Variants in TTC33 observed in about 807,000 individuals in gnomAD.
TTC33 encodes tetratricopeptide repeat domain 33.
Under a neutral mutation model 29.4 loss-of-function variants are expected in TTC33, and 24 were observed. That is an observed-to-expected ratio of 0.82 (90% CI 0.59 to 1.15). TTC33 has a LOEUF of 1.15. Ranked by LOEUF, TTC33 falls within the 50% of genes most tolerant of loss-of-function variation. The probability of loss-of-function intolerance (pLI) is 0.00; values close to 1 mark genes in which losing one functional copy is unlikely to be tolerated. For synonymous variants in TTC33, 107 were observed against 100.3 expected, an observed-to-expected ratio of 1.07 and a Z score of -0.40; for missense variants, 286 against 310.4, an observed-to-expected ratio of 0.92 and a Z score of 0.59.
At chr5:40,723,900 C>G (rs1424090894) in intron 4 of TTC33, among the ~76,000 whole-genome samples, 1 of 152,026 alleles carries the variant, frequency 6.6e-6, no homozygotes, top group African/African-American at 2.4e-5. Context: ...CAAGATGTGT[C>G]AGTGAGGTTA....
intron 1 of TTC33, among the ~76,000 whole-genome samples, chr5:40,752,496 T>C (rs1398847740): frequency 1.3e-5 from 2 of 152,170 alleles, no homozygotes; most frequent in Non-Finnish European, 1.5e-5. Flanking sequence ...TAGAGGGCAT[T>C]GTAGGATTAA....
rs146385566 is a variant in TTC33, at chr5:40,718,236, T to C, written c.436-1738A>G. ...AGGAGTTCAATGACAAAACCCCGTC[T>C]CTACTAAAGATACAAAAAAAATTAG... On this transcript the variant is annotated intron_variant, in intron 4 of 4. Transcript: ENST00000337702. Among the ~76,000 whole-genome samples, 269 of 151,448 alleles carry C rather than the reference T, an allele frequency of 1.8e-3. 1 individual carries two copies. The highest frequency in any genetic ancestry group is 6.2e-3 in the African/African-American group (257 of 41,210).
chr5:40,751,671 T>C (rs1283588767), intron 1 of TTC33, among the ~76,000 whole-genome samples: 1 of 151,950 alleles, frequency 6.6e-6, no homozygotes, highest in Non-Finnish European at 1.5e-5. Flanking sequence ...ACATTGAAAA[T>C]CTTATGGCCA....
chr5:40,745,400 C>T (rs1226652645), intron 2 of TTC33, among the ~76,000 whole-genome samples: 1 of 152,070 alleles, frequency 6.6e-6, no homozygotes, highest in Admixed American at 6.6e-5. Context: ...TCAGCAAAAA[C>T]ACCCTGTAAA....
At chr5:40,729,212 C>G (rs1452039330) in intron 3 of TTC33, among the ~76,000 whole-genome samples, 1 of 152,074 alleles carries the variant, frequency 6.6e-6, no homozygotes, top group Non-Finnish European at 1.5e-5. Flanking sequence ...AATGAAGGTC[C>G]TCATATCACT....
At chr5:40,751,963 A>G (rs893485922) in intron 1 of TTC33, among the ~76,000 whole-genome samples, 2 of 14,010 alleles carry the variant, frequency 1.4e-4, no homozygotes, top group African/African-American at 5.6e-4. Context: ...TCTCAAAAGA[A>G]AAAAAAAAAA....
chr5:40,747,345 A>G (rs1474634120), intron 1 of TTC33, among the ~76,000 whole-genome samples: 2 of 152,166 alleles, frequency 1.3e-5, no homozygotes, highest in East Asian at 3.8e-4. Context: ...AGCATGAGCC[A>G]CCACGCCCGG....
intron 1 of TTC33, among the ~76,000 whole-genome samples, chr5:40,749,627 G>A (rs1177229465): frequency 6.6e-6 from 1 of 152,192 alleles, no homozygotes; most frequent in Admixed American, 6.5e-5. Context: ...TGATGTATAA[G>A]TACAGGCCTA....
chr5:40,713,888 G>C lies in TTC33; in HGVS notation c.*2257C>G, dbSNP rs529062483. Among the ~76,000 whole-genome samples, 14 of 152,132 alleles carry C rather than the reference G, an allele frequency of 9.2e-5. No homozygotes were observed. Among genetic ancestry groups the C allele is most frequent in the Middle Eastern group, 3.4e-3 (1 of 294 alleles). On this transcript the variant is annotated 3_prime_UTR_variant, in exon 5 of 5. Transcript: ENST00000337702. ...GTATTCACATCCTTGTAAAATAATG[G>C]GTGCATTTTTCTCTTCACGCATAGA...
At chr5:40,736,348 C>T (rs1408194909) in intron 2 of TTC33, among the ~76,000 whole-genome samples, 1 of 152,168 alleles carries the variant, frequency 6.6e-6, no homozygotes, top group African/African-American at 2.4e-5. Context: ...CTCAAATTTA[C>T]ATTAGTAGGT....
At chr5:40,726,456 A>G (rs1446421646) in intron 4 of TTC33, among the ~76,000 whole-genome samples, 2 of 151,556 alleles carry the variant, frequency 1.3e-5, no homozygotes, top group African/African-American at 2.4e-5. Flanking sequence ...TGACATTTTG[A>G]GTCATCTTTT....
chr5:40,746,770 C>T (rs1418456520), intron 2 of TTC33, 28 bp downstream of exon 2: 1 of 1,540,816 alleles, frequency 6.5e-7, no homozygotes, highest in Admixed American at 1.9e-5. Context: ...AAGCTCTTCT[C>T]CATAAAAAAA....
intron 4 of TTC33, among the ~76,000 whole-genome samples, chr5:40,717,151 C>T (rs1332788066): frequency 6.6e-6 from 1 of 150,572 alleles, no homozygotes; most frequent in African/African-American, 2.4e-5. Flanking sequence ...ATCGCTTGAA[C>T]CCGGGAGACA....
intron 2 of TTC33, among the ~76,000 whole-genome samples, chr5:40,732,209 G>T (rs547147904): frequency 1.3e-5 from 2 of 151,960 alleles, no homozygotes; most frequent in African/African-American, 4.8e-5. Context: ...TAGAGACAGG[G>T]TCTCACTATG....
chr5:40,730,304 C>A lies in TTC33; in HGVS notation c.261G>T (p.Gln87His), dbSNP rs1205833913. 1.9e-6 allele frequency: 3 copies of A among 1,612,422 alleles called. No individual in the cohort carries two copies. Among genetic ancestry groups the A allele is most frequent in the Non-Finnish European group, 2.5e-6 (3 of 1,179,000 alleles). Reference protein sequence around the residue: ...EAIQKWDEALQLTPNDATLYE... With the variant: ...EAIQKWDEALHLTPNDATLYE... ...ATAGGGTAGCATCATTTGGAGTTAA[C>A]TGTAGTGCTTCATCCCACTTCTGAA... is the stretch of plus-strand genomic sequence containing the variant. The change falls in exon 3 of 5, where the codon CAG (glutamine) becomes CAT (histidine). Residue 87 changes from glutamine (Q) to histidine (H), a missense_variant. Gln to His is a conservative substitution (Grantham distance 24). Coordinates refer to ENST00000337702, the MANE Select transcript of TTC33 (RefSeq NM_012382.3).
intron 3 of TTC33, among the ~76,000 whole-genome samples, 195 bp from the exon 4 acceptor site, chr5:40,728,671 G>A (rs929056331): frequency 6.6e-6 from 1 of 152,114 alleles, no homozygotes; most frequent in African/African-American, 2.4e-5. Flanking sequence ...CTATGAAAAT[G>A]TAAACGATTC....
intron 4 of TTC33, among the ~76,000 whole-genome samples, chr5:40,723,349 T>A (rs1457996693): frequency 6.6e-6 from 1 of 151,882 alleles, no homozygotes; most frequent in Non-Finnish European, 1.5e-5. Flanking sequence ...TGTTCACATG[T>A]TTATCTGCTG....
chr5:40,746,807 T>C lies in TTC33; in HGVS notation c.212A>G (p.Glu71Gly), dbSNP rs1329408758. Residue 71 changes from glutamate (E) to glycine (G), a missense_variant, in exon 2 of 5, where the codon GAA becomes GGA. Glu to Gly is a moderately conservative substitution (Grantham distance 98). Coordinates refer to ENST00000337702, the MANE Select transcript of TTC33 (RefSeq NM_012382.3). The stretch of plus-strand genomic sequence containing the variant: ...AACTTTAAATACATACCTTTTATTT[T>C]CAGCCAAACTGGCTCCTTCATCCTT... ...QLKDEGASLA[E>G]NKRYREAIQK... The C allele has an allele frequency of 6.2e-7, 1 of 1,610,342 alleles. No homozygotes were observed. Among genetic ancestry groups the C allele is most frequent in the South Asian group, 1.1e-5 (1 of 90,146 alleles).
At chr5:40,733,654 G>A (rs1343116723) in intron 2 of TTC33, among the ~76,000 whole-genome samples, 2 of 152,144 alleles carry the variant, frequency 1.3e-5, no homozygotes, top group Non-Finnish European at 2.9e-5. Flanking sequence ...AGAGGGTCAG[G>A]GATGTTAACA....
Sources: gnomAD v4.1 joint callset for allele counts (sites outside exome capture counted in the v4.1 genomes callset) on GRCh38, gnomAD v4.1.1 for gene constraint, MANE v1.5 for transcripts, NCBI Gene and HGNC (gene_info 2026-07-23, HGNC 2026-07-21) for gene names.